The following ZNF862 variants were observed in gnomAD, a reference collection of about 807,000 sequenced individuals.
ZNF862 encodes the protein zinc finger protein 862.
In ZNF862, 64 loss-of-function variants were observed where a neutral mutation model predicts 91.1. That is an observed-to-expected ratio of 0.70 (90% confidence interval 0.57 to 0.87). The LOEUF (loss-of-function observed/expected upper bound fraction) is 0.87. Among genes scored for constraint, ZNF862 ranks in the 40% least tolerant of loss-of-function variants. The pLI, the probability that ZNF862 is intolerant of heterozygous loss-of-function variation, is 0.00. For synonymous variants in ZNF862, 631 were observed against 618.1 expected (o/e 1.02, Z -0.31); for missense variants, 1,459 against 1,528.0 (o/e 0.95, Z 0.75).
chr7:149,842,458 T>C (rs993942271), intron 1 of ZNF862, among the ~76,000 whole-genome samples: 3 of 152,238 alleles, frequency 2.0e-5, no homozygotes, highest in African/African-American at 7.2e-5. Flanking sequence ...GCTCCTCTTA[T>C]TCACGCAGAT....
chr7:149,840,815 C>G, intron 1 of ZNF862: 1 of 367,768 alleles, frequency 2.7e-6, no homozygotes, highest in Non-Finnish European at 3.8e-6. Flanking sequence ...TAGGCTGTAC[C>G]ATGTAGTTTT....
intron 2 of ZNF862, 93 bp from the exon 3 acceptor site, chr7:149,846,058 G>A (rs866936075): frequency 1.3e-5 from 11 of 867,566 alleles, no homozygotes; most frequent in Middle Eastern, 4.4e-4. Context: ...GAGAGATGTC[G>A]CAGACAGATA....
chr7:149,859,233 G>A (rs1371128996), intron 5 of ZNF862, 189 bp from the exon 6 acceptor site: 1 of 623,266 alleles, frequency 1.6e-6, no homozygotes, highest in East Asian at 2.8e-5. Flanking sequence ...CCTAGCTGAG[G>A]GCTGCCCCTC....
At chr7:149,845,494 C>T (rs946114982) in intron 2 of ZNF862, among the ~76,000 whole-genome samples, 11 of 152,180 alleles carry the variant, frequency 7.2e-5, no homozygotes, top group Non-Finnish European at 1.6e-4. Flanking sequence ...GTGAGTCTTC[C>T]TGTGCCGGCT....
chr7:149,860,928 T>C lies in ZNF862; in HGVS notation c.1768T>C (p.Leu590=), dbSNP rs1268306017. 1.9e-6 allele frequency: 3 copies of C among 1,613,822 alleles called. No homozygotes were observed. Among genetic ancestry groups the C allele is most frequent in the Non-Finnish European group, 1.7e-6 (2 of 1,179,854 alleles). The change falls in exon 7 of 8, where the codon TTA becomes CTA. Residue 590 remains leucine (L), a synonymous_variant. Transcript: ENST00000223210. ...CCTCCAAAGCACGGGGACCGTGATA[T>C]TAGGCAAGTACCGCAATCGCACGGC... The part of the protein sequence containing the change: ...QLLQSTGTVI[L]GKYRNRTACT...
chr7:149,842,783 G>A (rs1384533117), intron 1 of ZNF862, among the ~76,000 whole-genome samples: 6 of 152,204 alleles, frequency 3.9e-5, no homozygotes, highest in Admixed American at 3.3e-4. Flanking sequence ...TCCTGAATCT[G>A]CCTTCAGCCT....
In ZNF862 at chr7:149,860,760, A is replaced by T; in HGVS notation, c.1600A>T (p.Ile534Phe). ...CAGGCTCTGTGTCAACACGGTTGAA[A>T]TCAAGGAAGACACCCCTCACACTGC... is the stretch of plus-strand genomic sequence containing the variant. ...AHRLCVNTVE[I>F]KEDTPHTALV... Residue 534 changes from isoleucine (I) to phenylalanine (F), a missense_variant, in exon 7 of 8, where the codon ATC becomes TTC. Coordinates refer to ENST00000223210, the MANE Select transcript of ZNF862 (RefSeq NM_001099220.3). The T allele has an allele frequency of 6.2e-7, 1 of 1,613,910 alleles. No homozygotes were observed. The highest frequency in any genetic ancestry group is 8.5e-7 in the Non-Finnish European group (1 of 1,179,882).
intron 1 of ZNF862, among the ~76,000 whole-genome samples, chr7:149,840,537 T>C (rs940552869): frequency 6.6e-6 from 1 of 152,100 alleles, no homozygotes; most frequent in Non-Finnish European, 1.5e-5. Context: ...GCCTTCACAT[T>C]CTCTCACCAC....
At chr7:149,844,916 C>A in intron 2 of ZNF862, 180 bp downstream of exon 2, 1 of 563,340 alleles carries the variant, frequency 1.8e-6, no homozygotes, top group African/African-American at 1.9e-5. Flanking sequence ...ACACATCACC[C>A]TTTCTCTTCT....
At chr7:149,859,251 T>A in intron 5 of ZNF862, 171 bp from the exon 6 acceptor site, 1 of 652,500 alleles carries the variant, frequency 1.5e-6, no homozygotes, top group South Asian at 1.8e-5. Flanking sequence ...CTCCCCTTAC[T>A]GCCTCTTTGG....
intron 3 of ZNF862, 108 bp downstream of exon 3, chr7:149,846,363 C>T: frequency 1.3e-6 from 1 of 794,162 alleles, no homozygotes; most frequent in Non-Finnish European, 2.1e-6. Context: ...CACCAACTGA[C>T]ACTGCTGTTC....
rs1273836319 is a variant in ZNF862, at chr7:149,842,086, A to T, written c.25-2539A>T. Among the ~76,000 whole-genome samples, 3 of 152,194 alleles carry T rather than the reference A, an allele frequency of 2.0e-5. No individual in the cohort carries two copies. The East Asian group carries it at 5.8e-4, about 29-fold the overall frequency. Reference sequence around the variant, plus strand: ...AAAGCCTTCCTTGCTCAGGAGAAGGATAAATGCTTGGGCCAGGTGGTTAGG... The same window carrying T: ...AAAGCCTTCCTTGCTCAGGAGAAGGTTAAATGCTTGGGCCAGGTGGTTAGG... On this transcript the variant is annotated intron_variant, in intron 1 of 7. Transcript: ENST00000223210.
intron 3 of ZNF862, among the ~76,000 whole-genome samples, chr7:149,847,159 C>T (rs1316797948): frequency 2.0e-5 from 3 of 152,120 alleles, no homozygotes; most frequent in South Asian, 2.1e-4. Flanking sequence ...CTCATCTGTT[C>T]GAAGGTTTAT....
chr7:149,846,311 A>G (rs1801871034), intron 3 of ZNF862, 56 bp downstream of exon 3: 4 of 1,396,672 alleles, frequency 2.9e-6, no homozygotes, highest in East Asian at 2.4e-5. Flanking sequence ...GAGCATGGGC[A>G]GCCCCAGGAC....
intron 1 of ZNF862, chr7:149,841,643 C>T: frequency 1.0e-6 from 1 of 985,356 alleles, no homozygotes; most frequent in Non-Finnish European, 1.2e-6. Context: ...AGCCCGCCAC[C>T]TCATGTGCCT....
chr7:149,853,175 C>T (rs1477681810), intron 5 of ZNF862, among the ~76,000 whole-genome samples: 1 of 152,142 alleles, frequency 6.6e-6, no homozygotes, highest in Non-Finnish European at 1.5e-5. Flanking sequence ...CTCCTGCCTC[C>T]ATCTCCGGAG....
intron 4 of ZNF862, among the ~76,000 whole-genome samples, chr7:149,849,805 G>T (rs1801999728): frequency 6.6e-6 from 1 of 152,098 alleles, no homozygotes; most frequent in Admixed American, 6.5e-5. Context: ...GAAATCTTAG[G>T]TGCTCCTAGA....
chr7:149,853,340 G>A (rs1802133315), intron 5 of ZNF862, among the ~76,000 whole-genome samples: 1 of 152,244 alleles, frequency 6.6e-6, no homozygotes, highest in South Asian at 2.1e-4. Flanking sequence ...GTTATGGAAT[G>A]TGGGTGTTTG....
chr7:149,865,841 A>G lies in ZNF862; in HGVS notation c.*1557A>G, dbSNP rs1382172569. 6.6e-6 allele frequency: 1 copy of G among 151,842 alleles called. No individual in the cohort carries two copies. The highest frequency in any genetic ancestry group is 1.5e-5 in the Non-Finnish European group (1 of 68,052). 9.4% of individuals were successfully genotyped at this position (151,842 alleles called of 1,614,324 possible). On this transcript the variant is annotated 3_prime_UTR_variant, in exon 8 of 8. Transcript: ENST00000223210. ...CTTTCTCCATAGTCTGCCGCTTCCC[A>G]TTCCCAGGGTAGATGCTGGCATCTG...
Sources: allele counts gnomAD v4.1 joint callset (sites outside exome capture counted in the v4.1 genomes callset), GRCh38; gene constraint gnomAD v4.1.1; transcripts MANE v1.5; gene names NCBI Gene and HGNC (gene_info 2026-07-23, HGNC 2026-07-21).